The following ATP2C1 variants were observed in gnomAD, a reference collection of about 807,000 sequenced individuals.
ATP2C1 encodes calcium-transporting ATPase type 2C member 1.
A neutral mutation model predicts 120.5 loss-of-function variants in ATP2C1; 31 were observed. The observed-to-expected ratio is 0.26, with a 90% CI of 0.19 to 0.35. ATP2C1 has a LOEUF of 0.35. Among genes scored for constraint, ATP2C1 ranks in the 10% least tolerant of loss-of-function variants. The pLI is 1.00. For missense variants in ATP2C1, 731 were observed against 1,107.5 expected, an observed-to-expected ratio of 0.66 and a Z score of 4.83; for synonymous variants, 351 against 358.7, an observed-to-expected ratio of 0.98 and a Z score of 0.24.
intron 14 of ATP2C1, 46 bp from the exon 15 acceptor site, chr3:130,967,099 A>G (rs753455297): frequency 7.1e-7 from 1 of 1,417,402 alleles, no homozygotes; most frequent in Non-Finnish European, 1.0e-6. Context: ...GTCACCACCA[A>G]GTGTTTGTAG....
intron 25 of ATP2C1, 142 bp downstream of exon 25, chr3:130,997,895 T>G (rs985249774): frequency 1.5e-5 from 12 of 821,024 alleles, no homozygotes; most frequent in Non-Finnish European, 2.2e-5. Flanking sequence ...TTTAAAAGAG[T>G]TTGATTTCCA....
intron 2 of ATP2C1, among the ~76,000 whole-genome samples, chr3:130,903,969 A>G (rs1217459215): frequency 1.3e-5 from 2 of 152,054 alleles, no homozygotes. Flanking sequence ...TTAATGATCA[A>G]AAAATGCCAA....
intron 26 of ATP2C1, among the ~76,000 whole-genome samples, chr3:130,998,778 A>T (rs533028687): frequency 6.6e-6 from 1 of 151,974 alleles, no homozygotes; most frequent in African/African-American, 2.4e-5. Context: ...TTATGTGCCT[A>T]TTTTTTTTCC....
intron 1 of ATP2C1, among the ~76,000 whole-genome samples, chr3:130,852,024 T>A (rs2107682596): frequency 6.6e-6 from 1 of 152,354 alleles, no homozygotes; most frequent in Admixed American, 6.5e-5. Flanking sequence ...GAGAGGAAAC[T>A]GCTTGTATGC....
chr3:131,014,101 C>T (rs958784050), intron 26 of ATP2C1: 1 of 1,604,670 alleles, frequency 6.2e-7, no homozygotes. Context: ...AAGTTTTCAA[C>T]CATTAACAAC....
At chr3:130,971,079 G>A (rs974750868) in intron 17 of ATP2C1, among the ~76,000 whole-genome samples, 2 of 152,190 alleles carry the variant, frequency 1.3e-5, no homozygotes, top group African/African-American at 2.4e-5. Flanking sequence ...AAACTTAGGC[G>A]ATTTTCAGCT....
Position 130,956,130 on chromosome 3 carries a change from C to T in ATP2C1, c.783C>T (p.Ser261=). ...EEAPKTPLQK[S]MDLLGKQLSF... Reference sequence around the variant, plus strand: ...CACCAAAAACCCCTCTGCAGAAGAGCATGGACCTCTTAGGAAAACAACTTT... The same window carrying T: ...CACCAAAAACCCCTCTGCAGAAGAGTATGGACCTCTTAGGAAAACAACTTT... Residue 261 remains serine, a synonymous_variant, in exon 11 of 28, where the codon AGC becomes AGT. Transcript: ENST00000510168. The T allele has an allele frequency of 2.5e-6, 4 of 1,610,736 alleles. No homozygotes were observed. The South Asian group carries it at 4.4e-5, about 18-fold the overall frequency.
At chr3:130,991,924 C>T (rs2062370830) in intron 20 of ATP2C1, among the ~76,000 whole-genome samples, 1 of 152,080 alleles carries the variant, frequency 6.6e-6, no homozygotes, top group Admixed American at 6.5e-5. Flanking sequence ...GGATAGATTG[C>T]AGGTACGAGG....
At chr3:130,862,639 T>C (rs2068054084) in intron 1 of ATP2C1, among the ~76,000 whole-genome samples, 1 of 152,236 alleles carries the variant, frequency 6.6e-6, no homozygotes, top group Non-Finnish European at 1.5e-5. Context: ...CTGAGCACCA[T>C]AGGACATATT....
chr3:130,969,200 C>A, intron 16 of ATP2C1, 92 bp from the exon 17 acceptor site: 2 of 830,794 alleles, frequency 2.4e-6, no homozygotes, highest in Non-Finnish European at 4.2e-6. Context: ...ATAATCCAGC[C>A]AACCTAGTTA....
At chr3:130,897,790 A>G (rs1044033547) in intron 2 of ATP2C1, among the ~76,000 whole-genome samples, 1 of 152,202 alleles carries the variant, frequency 6.6e-6, no homozygotes, top group African/African-American at 2.4e-5. Flanking sequence ...AGGATGTTTC[A>G]TGAACACTTT....
chr3:131,013,968 A>G, intron 26 of ATP2C1: 1 of 956,522 alleles, frequency 1.0e-6, no homozygotes, highest in Non-Finnish European at 1.5e-6. Flanking sequence ...GTCAGTCCTA[A>G]AGAAAAAGCT....
rs769141871 is a variant in ATP2C1 at position 131,014,336 on chromosome 3, C to T, written c.2630-1816C>T. ...TGCTCAGGAGACTTTCTACAGAGGT[C>T]GATGCTAGCAGTTGCTGGCATAGTC... On this transcript the variant is annotated intron_variant, in intron 26 of 26. Coordinates refer to the ATP2C1 transcript ENST00000328560. The T allele has an allele frequency of 3.1e-5, 50 of 1,612,428 alleles. No individual in the cohort carries two copies. The South Asian group carries it at 3.3e-4, about 11-fold the overall frequency.
intron 26 of ATP2C1, among the ~76,000 whole-genome samples, chr3:131,008,167 G>A (rs2063186150): frequency 2.6e-5 from 4 of 152,104 alleles, no homozygotes. Flanking sequence ...GCCAGGCATG[G>A]TGACTCACAC....
chr3:130,899,932 TAAGTA>T (rs1055208120), intron 2 of ATP2C1, among the ~76,000 whole-genome samples: 1 of 152,196 alleles, frequency 6.6e-6, no homozygotes, highest in Non-Finnish European at 1.5e-5. Flanking sequence ...ATTGCTTTCT[TAAGTA>T]AAGGCCTTTT....
At chr3:130,964,876 T>C (rs2060983347) in intron 13 of ATP2C1, 72 bp from the exon 14 acceptor site, 1 of 1,111,058 alleles carries the variant, frequency 9.0e-7, no homozygotes, top group Admixed American at 1.8e-5. Flanking sequence ...TTCTAGTCTT[T>C]GATTTGTTTT....
At chr3:130,926,702 A>G (rs1408314499) in intron 2 of ATP2C1, among the ~76,000 whole-genome samples, 1 of 152,254 alleles carries the variant, frequency 6.6e-6, no homozygotes, top group Non-Finnish European at 1.5e-5. Flanking sequence ...CTTATCACAC[A>G]CACTCACGCT....
chr3:130,934,582 T>A (rs1326489544), intron 4 of ATP2C1, 40 bp from the exon 5 acceptor site: 1 of 1,348,236 alleles, frequency 7.4e-7, no homozygotes, highest in South Asian at 1.2e-5. Flanking sequence ...AACTGTCATG[T>A]ACAAAACTGT....
At chr3:130,858,361 A>G (rs184377201) in intron 1 of ATP2C1, among the ~76,000 whole-genome samples, 2 of 152,302 alleles carry the variant, frequency 1.3e-5, no homozygotes, top group Admixed American at 1.3e-4. Context: ...TTTCCCTGCT[A>G]CTTCCTGGCT....
Sources: allele counts gnomAD v4.1 joint callset (sites outside exome capture counted in the v4.1 genomes callset), GRCh38; gene constraint gnomAD v4.1.1; transcripts MANE v1.5; gene names NCBI Gene and HGNC (gene_info 2026-07-23, HGNC 2026-07-21).